CHST11: variants seen among roughly 807,000 people sequenced by gnomAD.
The protein encoded by CHST11 is C4S-1.
A neutral mutation model predicts 30.4 loss-of-function variants in CHST11; 9 were observed. The ratio of observed to expected loss-of-function variants is 0.30; its 90% CI spans 0.18 to 0.52. The LOEUF is 0.52. CHST11 is among the 20% of genes least tolerant of loss of function. CHST11 has a pLI of 0.97. For synonymous variants in CHST11, 152 were observed against 187.8 expected, an observed-to-expected ratio of 0.81 and a Z score of 1.56; for missense variants, 348 against 460.6, an observed-to-expected ratio of 0.76 and a Z score of 2.24.
Position 104,594,553 on chromosome 12 carries a change from C to A in CHST11, c.119-7353C>A, listed in dbSNP as rs555287717. 1.5e-3 allele frequency among the ~76,000 whole-genome samples: 232 copies of A among 152,308 alleles called. 2 individuals are homozygous for A. The highest frequency in any genetic ancestry group is 5.2e-3 in the African/African-American group (217 of 41,570). ...CTGTACTCTCCCTCCTCTTCTCCCC[C>A]ATCCCCGCTTTTATTTTGCTTTTTC... is the stretch of plus-strand genomic sequence containing the variant. On this transcript the variant is annotated intron_variant, in intron 1 of 2. Coordinates refer to ENST00000303694, the MANE Select transcript of CHST11 (RefSeq NM_018413.6).
intron 2 of CHST11, among the ~76,000 whole-genome samples, chr12:104,744,777 T>C (rs2136141286): frequency 6.6e-6 from 1 of 152,336 alleles, no homozygotes; most frequent in Admixed American, 6.5e-5. Flanking sequence ...AGTTAATTTA[T>C]GTCTGTGGTG....
chr12:104,645,104 C>T (rs1219349588), intron 2 of CHST11, among the ~76,000 whole-genome samples: 4 of 152,076 alleles, frequency 2.6e-5, no homozygotes, highest in Admixed American at 6.5e-5. Context: ...CCCGCCACCA[C>T]GCCCGGCTAA....
intron 2 of CHST11, among the ~76,000 whole-genome samples, chr12:104,710,045 C>CA (rs908588612): frequency 2.6e-5 from 4 of 151,938 alleles, no homozygotes; most frequent in East Asian, 1.9e-4. Context: ...CACAGAAATT[C>CA]AAAAAATCTG....
intron 1 of CHST11, among the ~76,000 whole-genome samples, chr12:104,475,392 G>A (rs1415903436): frequency 6.6e-6 from 1 of 151,854 alleles, no homozygotes; most frequent in African/African-American, 2.4e-5. Flanking sequence ...GGGAGGTCAG[G>A]GAACTTGACA....
At chr12:104,561,823 A>T (rs544661736) in intron 1 of CHST11, among the ~76,000 whole-genome samples, 1 of 147,472 alleles carries the variant, frequency 6.8e-6, no homozygotes, top group East Asian at 2.0e-4. Flanking sequence ...ACAGAGTCTC[A>T]CTCAGTCGCC....
At position 104,622,791 on chromosome 12, in the gene CHST11, G is replaced by A. The variant is rs907869566; in HGVS notation, c.204+20800G>A. ...GTTGTGAAGACTAAATGAAGATAAT[G>A]CAATAAACGGCTGAGACCCATGCCA... is the stretch of plus-strand genomic sequence containing the variant. On this transcript the variant is annotated intron_variant, in intron 2 of 2. Transcript: ENST00000303694. 3.9e-5 allele frequency among the ~76,000 whole-genome samples: 6 copies of A among 152,340 alleles called. No individual in the cohort carries two copies. In the East Asian group the frequency reaches 9.6e-4, roughly 24 times the overall value.
intron 1 of CHST11, among the ~76,000 whole-genome samples, chr12:104,567,017 AG>A (rs2038574002): frequency 6.6e-6 from 1 of 152,168 alleles, no homozygotes; most frequent in African/African-American, 2.4e-5. Context: ...TATGTTGGCA[AG>A]TTTTGCAAAT....
At chr12:104,505,148 C>T (rs2037892073) in intron 1 of CHST11, among the ~76,000 whole-genome samples, 1 of 152,190 alleles carries the variant, frequency 6.6e-6, no homozygotes, top group Admixed American at 6.5e-5. Context: ...GAAATTCAGC[C>T]TGGCAGAACA....
intron 2 of CHST11, among the ~76,000 whole-genome samples, chr12:104,739,737 C>T (rs1157781222): frequency 6.6e-6 from 1 of 152,222 alleles, no homozygotes; most frequent in Non-Finnish European, 1.5e-5. Context: ...AGACTTCATC[C>T]CTTTAAACCT....
chr12:104,526,215 T>TAAA (rs11292565), intron 1 of CHST11, among the ~76,000 whole-genome samples: 1 of 145,920 alleles, frequency 6.9e-6, no homozygotes, highest in Non-Finnish European at 1.5e-5. Flanking sequence ...ATCATTTTCT[T>TAAA]AAAAAAAAAA....
At chr12:104,654,882 C>T (rs2039527941) in intron 2 of CHST11, among the ~76,000 whole-genome samples, 1 of 152,032 alleles carries the variant, frequency 6.6e-6, no homozygotes, top group Non-Finnish European at 1.5e-5. Context: ...GGCCGCTACC[C>T]CCTCCCCCAT....
chr12:104,742,004 C>G (rs1435297854), intron 2 of CHST11, among the ~76,000 whole-genome samples: 1 of 148,430 alleles, frequency 6.7e-6, no homozygotes, highest in Non-Finnish European at 1.5e-5. Context: ...GCTATCCTGC[C>G]CCCGGCACTT....
At chr12:104,478,728 C>CT (rs1325871477) in intron 1 of CHST11, among the ~76,000 whole-genome samples, 1 of 152,104 alleles carries the variant, frequency 6.6e-6, no homozygotes, top group African/African-American at 2.4e-5. Context: ...CAGTCACTAC[C>CT]TTGAGGAAAA....
At chr12:104,552,437 C>G (rs1045424315) in intron 1 of CHST11, 5 of 152,724 alleles carry the variant, frequency 3.3e-5, no homozygotes, top group African/African-American at 1.2e-4. Flanking sequence ...TCCTGAGTAG[C>G]TGGGACTACA....
chr12:104,721,049 A>T (rs1431752535), intron 2 of CHST11, among the ~76,000 whole-genome samples: 4 of 152,158 alleles, frequency 2.6e-5, no homozygotes, highest in African/African-American at 9.7e-5. Context: ...AGGAAGACTC[A>T]TGACTTCCCT....
At chr12:104,504,819 C>G (rs193013266) in intron 1 of CHST11, among the ~76,000 whole-genome samples, 2 of 152,170 alleles carry the variant, frequency 1.3e-5, no homozygotes, top group Non-Finnish European at 2.9e-5. Flanking sequence ...GAAAAATAAG[C>G]AACATCTGGG....
chr12:104,514,228 C>A (rs1159285036), intron 1 of CHST11: 1 of 881,222 alleles, frequency 1.1e-6, no homozygotes, highest in African/African-American at 1.6e-5. Context: ...GACACAGCAG[C>A]CAAGTTTATT....
At chr12:104,660,477 C>T (rs2039589181) in intron 2 of CHST11, among the ~76,000 whole-genome samples, 1 of 152,190 alleles carries the variant, frequency 6.6e-6, no homozygotes, top group Non-Finnish European at 1.5e-5. Context: ...ATTTTCAGCA[C>T]ATTAGAGAAA....
intron 2 of CHST11, among the ~76,000 whole-genome samples, chr12:104,664,120 G>T (rs1380183035): frequency 1.3e-5 from 2 of 152,136 alleles, no homozygotes; most frequent in Non-Finnish European, 2.9e-5. Context: ...CATCTCAAGG[G>T]TAGGAACTGT....
Sources: gnomAD v4.1 joint callset for allele counts (sites outside exome capture counted in the v4.1 genomes callset) on GRCh38, gnomAD v4.1.1 for gene constraint, MANE v1.5 for transcripts, NCBI Gene and HGNC (gene_info 2026-07-23, HGNC 2026-07-21) for gene names.